TTC3: variants seen among roughly 807,000 people sequenced by gnomAD.
TTC3 encodes E3 ubiquitin-protein ligase TTC3.
A neutral mutation model predicts 249.6 loss-of-function variants in TTC3; 180 were observed. The ratio of observed to expected loss-of-function variants is 0.72; its 90% CI spans 0.64 to 0.82. The LOEUF (loss-of-function observed/expected upper bound fraction) is 0.82, where lower values mean the gene tolerates loss of function less well. TTC3 is among the 40% of genes least tolerant of loss of function. The probability of loss-of-function intolerance (pLI) is 0.00; values close to 1 mark genes in which losing one functional copy is unlikely to be tolerated. For missense variants in TTC3, 2,061 were observed against 2,398.4 expected (o/e 0.86, Z 2.94); for synonymous variants, 717 against 805.0 (o/e 0.89, Z 1.85).
chr21:37,168,954 A>G (rs1204690994), intron 34 of TTC3, among the ~76,000 whole-genome samples: 1 of 152,200 alleles, frequency 6.6e-6, no homozygotes, highest in Non-Finnish European at 1.5e-5. Flanking sequence ...GGCAGTTGTC[A>G]GGAAGCTTCA....
chr21:37,168,123 T>C (rs563735409), intron 34 of TTC3, among the ~76,000 whole-genome samples: 2 of 152,322 alleles, frequency 1.3e-5, no homozygotes, highest in African/African-American at 4.8e-5. Flanking sequence ...TCAAAGTTGC[T>C]GTAAAGGTAT....
chr21:37,142,830 A>T (rs1204107112), intron 20 of TTC3, among the ~76,000 whole-genome samples: 2 of 152,218 alleles, frequency 1.3e-5, no homozygotes, highest in African/African-American at 2.4e-5. Flanking sequence ...GCATCACGCT[A>T]CCTGACTTCA....
intron 11 of TTC3, among the ~76,000 whole-genome samples, chr21:37,112,951 T>C (rs2075806010): frequency 6.6e-6 from 1 of 152,244 alleles, no homozygotes; most frequent in Non-Finnish European, 1.5e-5. Context: ...CACATGATTA[T>C]CTCAATAGAT....
At chr21:37,193,560 A>G (rs2084470027) in intron 41 of TTC3, among the ~76,000 whole-genome samples, 1 of 152,170 alleles carries the variant, frequency 6.6e-6, no homozygotes. Flanking sequence ...TCAATAGGAT[A>G]TTTTACTGTT....
chr21:37,125,355 A>T (rs2076967499), intron 14 of TTC3, among the ~76,000 whole-genome samples: 1 of 152,056 alleles, frequency 6.6e-6, no homozygotes, highest in Non-Finnish European at 1.5e-5. Flanking sequence ...CCTCACTAAC[A>T]TTTTTCTTAA....
At chr21:37,147,873 C>T (rs149555849) in intron 22 of TTC3, among the ~76,000 whole-genome samples, 1,623 of 152,218 alleles carry the variant, frequency 0.011, 25 homozygotes, top group African/African-American at 0.037. Flanking sequence ...GGATTACAGG[C>T]GTGTCCCAGC....
chr21:37,088,454 C>A, intron 4 of TTC3, 108 bp downstream of exon 4: 2 of 1,359,912 alleles, frequency 1.5e-6, no homozygotes, highest in Non-Finnish European at 2.0e-6. Context: ...TTGTATGCTG[C>A]TCAACGTTTG....
chr21:37,198,124 A>T (rs1055146007), intron 44 of TTC3, 99 bp downstream of exon 44: 4 of 1,361,692 alleles, frequency 2.9e-6, no homozygotes, highest in Middle Eastern at 3.8e-4. Flanking sequence ...GACCTAATTT[A>T]TTTGATCCCA....
intron 27 of TTC3, among the ~76,000 whole-genome samples, chr21:37,154,795 A>T (rs1460678003): frequency 1.3e-5 from 2 of 152,106 alleles, no homozygotes; most frequent in African/African-American, 4.8e-5. Flanking sequence ...TCCCGGGTTC[A>T]CGCCATTCTC....
chr21:37,134,759 A>T (rs1420097001), intron 17 of TTC3, among the ~76,000 whole-genome samples: 1 of 152,116 alleles, frequency 6.6e-6, no homozygotes, highest in Non-Finnish European at 1.5e-5. Flanking sequence ...AGTTTTTCTC[A>T]CTTTAAGGGC....
At chr21:37,108,359 T>C (rs759147908) in intron 10 of TTC3, 33 bp from the exon 11 acceptor site, 13 of 1,584,470 alleles carry the variant, frequency 8.2e-6, no homozygotes, top group Non-Finnish European at 1.1e-5. Flanking sequence ...TATAAAAGAG[T>C]GAAAATTTTT....
intron 41 of TTC3, among the ~76,000 whole-genome samples, chr21:37,193,238 C>G (rs2409875): frequency 1 from 152,311 of 152,312 alleles, 76,155 homozygotes; most frequent in Non-Finnish European, 1. Flanking sequence ...CCCCGTCAGG[C>G]GTGCCCTCTT....
chr21:37,121,690 A>G (rs1294582583), intron 11 of TTC3, 127 bp from the exon 12 acceptor site: 1 of 853,510 alleles, frequency 1.2e-6, no homozygotes. Flanking sequence ...TTTATTTTTC[A>G]TTGGTAGGGA....
intron 34 of TTC3, among the ~76,000 whole-genome samples, chr21:37,171,060 G>C (rs2148104346): frequency 6.6e-6 from 1 of 152,216 alleles, no homozygotes; most frequent in East Asian, 1.9e-4. Flanking sequence ...ATTAATGTGT[G>C]ATCATTTATT....
chr21:37,120,467 A>G (rs2076492570), intron 11 of TTC3, among the ~76,000 whole-genome samples: 2 of 152,198 alleles, frequency 1.3e-5, no homozygotes, highest in African/African-American at 4.8e-5. Context: ...ATCTATCATT[A>G]TTTCTTATGC....
chr21:37,157,973 G>A (rs1469577094), intron 28 of TTC3, among the ~76,000 whole-genome samples: 1 of 152,184 alleles, frequency 6.6e-6, no homozygotes. Context: ...TAAATGTCAT[G>A]CTGTTTGTTT....
chr21:37,150,672 C>G, intron 24 of TTC3, 148 bp from the exon 25 acceptor site: 1 of 636,448 alleles, frequency 1.6e-6, no homozygotes, highest in Non-Finnish European at 2.8e-6. Flanking sequence ...CTAAAGCTTT[C>G]TGGGCTTTTG....
chr21:37,129,007 G>A (rs2077257523), exon 16 of TTC3: 1 of 1,590,066 alleles, frequency 6.3e-7, no homozygotes. Flanking sequence ...TCACAGGTCA[G>A]CCTCCAAAAC....
At chr21:37,145,053 T>G (rs2078866371) in intron 21 of TTC3, among the ~76,000 whole-genome samples, 1 of 152,218 alleles carries the variant, frequency 6.6e-6, no homozygotes, top group African/African-American at 2.4e-5. Context: ...TAGAGGAAGG[T>G]ATAGTATTGT....
Sources: gnomAD v4.1 joint callset for allele counts (sites outside exome capture counted in the v4.1 genomes callset) on GRCh38, gnomAD v4.1.1 for gene constraint, MANE v1.5 for transcripts, NCBI Gene and HGNC (gene_info 2026-07-23, HGNC 2026-07-21) for gene names.